Variants in HIVEP1 observed in about 807,000 individuals in gnomAD.
HIVEP1 encodes the protein HIVEP zinc finger 1.
HIVEP1 carries 36 observed loss-of-function variants against 180.0 expected under a neutral mutation model. That is an observed-to-expected ratio of 0.20 (90% CI 0.15 to 0.26). The LOEUF is 0.26. HIVEP1 is among the 10% of genes least tolerant of loss of function. The pLI, the probability that HIVEP1 is intolerant of heterozygous loss-of-function variation, is 1.00. For synonymous variants in HIVEP1, 1,239 were observed against 1,239.0 expected (o/e 1.00, Z 0.00); for missense variants, 3,143 against 3,268.7 (o/e 0.96, Z 0.94).
intron 2 of HIVEP1, chr6:12,037,801 A>G (rs1769383481): frequency 2.2e-6 from 1 of 446,054 alleles, no homozygotes; most frequent in South Asian, 5.2e-5. Flanking sequence ...TCTGGGGACA[A>G]GCTAAGGCTT....
Position 12,122,816 on chromosome 6 carries a change from G to A in HIVEP1, c.3021G>A (p.Gln1007=), listed in dbSNP as rs2228219. 70,883 of 1,613,734 alleles carry A rather than the reference G, an allele frequency of 0.044. 1,714 individuals carry two copies. Among genetic ancestry groups the A allele is most frequent in the African/African-American group, 0.073 (5,440 of 74,944 alleles). Residue 1007 remains glutamine, a synonymous_variant, in exon 4 of 9, where the codon CAG becomes CAA. Transcript: ENST00000379388. The part of the protein sequence containing the change: ...PEHSPVPGGL[Q]PQILHYRVAG... Reference sequence around the variant, plus strand: ...ACAGCCCTGTGCCCGGCGGTCTGCAGCCTCAGATTCTACACTACAGAGTCG... The same window carrying A: ...ACAGCCCTGTGCCCGGCGGTCTGCAACCTCAGATTCTACACTACAGAGTCG...
intron 2 of HIVEP1, among the ~76,000 whole-genome samples, chr6:12,060,296 A>T (rs1294989705): frequency 2.0e-5 from 3 of 152,234 alleles, no homozygotes; most frequent in African/African-American, 7.2e-5. Flanking sequence ...TATGAAGTGT[A>T]ACTAGCCATT....
In HIVEP1 at chr6:12,120,490, C is replaced by T. The variant is rs1252523638; in HGVS notation, c.695C>T (p.Ser232Phe). The change falls in exon 4 of 9, where the codon TCC becomes TTC. Residue 232 changes from serine (S) to phenylalanine (F), a missense_variant. Transcript: ENST00000379388. ...EKLRPNKTAR[S>F]PPKLKNSSMD... Reference sequence around the variant, plus strand: ...CTGAGGCCAAATAAAACTGCACGTTCCCCTCCCAAATTAAAAAACAGTTCA... The same window carrying T: ...CTGAGGCCAAATAAAACTGCACGTTTCCCTCCCAAATTAAAAAACAGTTCA... The T allele has an allele frequency of 6.2e-7, 1 of 1,614,040 alleles. No individual in the cohort carries two copies. The highest frequency in any genetic ancestry group is 8.5e-7 in the Non-Finnish European group (1 of 1,180,018).
At chr6:12,051,993 T>C (rs2113721102) in intron 2 of HIVEP1, among the ~76,000 whole-genome samples, 1 of 152,330 alleles carries the variant, frequency 6.6e-6, no homozygotes, top group East Asian at 1.9e-4. Flanking sequence ...TGGGGGGACT[T>C]TCCAACTGAG....
rs767569877 is a variant in HIVEP1, at chr6:12,123,939, G to C, written c.4144G>C (p.Asp1382His). 141 of 1,614,018 alleles carry C rather than the reference G, an allele frequency of 8.7e-5. No homozygotes were observed. Among genetic ancestry groups the C allele is most frequent in the Non-Finnish European group, 1.1e-4 (133 of 1,180,020 alleles). Residue 1382 changes from aspartate to histidine, a missense_variant, in exon 4 of 9, where the codon GAT becomes CAT. Physicochemically the swap from Asp to His is moderately conservative, Grantham distance 81. This residue lies in a region of HIVEP1 where 1,357 missense variants were observed against 1,260.5 expected (regional missense o/e 1.08). Transcript: ENST00000379388. The stretch of plus-strand genomic sequence containing the variant: ...CACGCAAACGTCAATGGAGGTCTCT[G>C]ATCTCAGAAGCAAATCATTCGATTG... Reference protein sequence around the residue: ...NCTQTSMEVSDLRSKSFDCGS... With the variant: ...NCTQTSMEVSHLRSKSFDCGS...
intron 3 of HIVEP1, among the ~76,000 whole-genome samples, chr6:12,094,992 G>A (rs1773704512): frequency 6.6e-6 from 1 of 151,958 alleles, no homozygotes; most frequent in Admixed American, 6.6e-5. Context: ...GTTTTAGGAA[G>A]TTGTATTTTT....
At chr6:12,100,335 TA>T (rs1345161205) in intron 3 of HIVEP1, among the ~76,000 whole-genome samples, 1 of 152,176 alleles carries the variant, frequency 6.6e-6, no homozygotes, top group African/African-American at 2.4e-5. Flanking sequence ...TTCAAAGTGG[TA>T]AAAATACTCC....
chr6:12,186,860 T>TCAGGATTA, the HIVEP1 span, among the ~76,000 whole-genome samples: 1 of 150,422 alleles, frequency 6.6e-6, no homozygotes, highest in African/African-American at 2.4e-5. Context: ...TAAATTTGTT[T>TCAGGATTA]CAGGATTAAA....
At chr6:12,090,734 C>CTTTTTTTTTT (rs1561929824) in intron 3 of HIVEP1, among the ~76,000 whole-genome samples, 2 of 103,102 alleles carry the variant, frequency 1.9e-5, no homozygotes, top group African/African-American at 6.8e-5. Flanking sequence ...CTATAGCCAG[C>CTTTTTTTTTT]CTTTTTTTTT....
intron 3 of HIVEP1, among the ~76,000 whole-genome samples, chr6:12,107,407 C>T (rs939600900): frequency 3.3e-5 from 5 of 152,158 alleles, no homozygotes; most frequent in Non-Finnish European, 5.9e-5. Context: ...GGTCTTGCCT[C>T]GATGCAGATT....
rs1770468472 is a variant in HIVEP1, at chr6:12,050,892, G to A, written c.40+35224G>A. The stretch of plus-strand genomic sequence containing the variant: ...GGTAGAAGTGGTGGGAAATGGTATC[G>A]GGGAACCACAGGCCAGGCGCTAGGC... On this transcript the variant is annotated intron_variant, in intron 2 of 8. Transcript: ENST00000379388. 2.0e-5 allele frequency among the ~76,000 whole-genome samples: 3 copies of A among 151,114 alleles called. 1 individual carries two copies. Among genetic ancestry groups the A allele is most frequent in the South Asian group, 4.2e-4 (2 of 4,780 alleles).
rs367635784 is a variant in HIVEP1, at chr6:12,123,117, C to G, written c.3322C>G (p.Leu1108Val). 1.2e-5 allele frequency: 19 copies of G among 1,614,048 alleles called. No homozygotes were observed. The African/African-American group carries it at 2.1e-4, about 18-fold the overall frequency. The change falls in exon 4 of 9, where the codon CTG becomes GTG. Residue 1108 changes from leucine to valine, a missense_variant. This residue lies in a region of HIVEP1 where 1,357 missense variants were observed against 1,260.5 expected (regional missense o/e 1.08). Transcript: ENST00000379388. ...RGPEQTMDPK[L>V]STIMEQQISS... The stretch of plus-strand genomic sequence containing the variant: ...CCCTGAGCAGACCATGGATCCCAAG[C>G]TGTCGACCATCATGGAACAACAGAT...
At chr6:12,052,989 A>G (rs1770635481) in intron 2 of HIVEP1, among the ~76,000 whole-genome samples, 1 of 152,188 alleles carries the variant, frequency 6.6e-6, no homozygotes, top group Non-Finnish European at 1.5e-5. Flanking sequence ...CACAGTTTTT[A>G]AAATAATTTG....
In HIVEP1 at chr6:12,122,024, A is replaced by G. The variant is rs771359163; in HGVS notation, c.2229A>G (p.Thr743=). The change falls in exon 4 of 9, where the codon ACA becomes ACG. Residue 743 remains threonine, a synonymous_variant. Coordinates refer to ENST00000379388, the MANE Select transcript of HIVEP1 (RefSeq NM_002114.4). The part of the protein sequence containing the change: ...GQMRPPLATK[T]LEERISKLIS... The stretch of plus-strand genomic sequence containing the variant: ...TGCGCCCACCTTTGGCCACAAAAAC[A>G]CTTGAGGAGCGGATATCGAAGCTTA... The G allele has an allele frequency of 6.2e-7, 1 of 1,614,128 alleles. No homozygotes were observed.
At chr6:12,114,695 G>A (rs571628525) in intron 3 of HIVEP1, among the ~76,000 whole-genome samples, 3 of 152,286 alleles carry the variant, frequency 2.0e-5, no homozygotes, top group African/African-American at 7.2e-5. Flanking sequence ...TTAAATGGAT[G>A]TATAATGTTA....
chr6:12,164,487 T>G lies in HIVEP1; in HGVS notation c.*26T>G. On this transcript the variant is annotated 3_prime_UTR_variant, in exon 9 of 9. Coordinates refer to ENST00000379388, the MANE Select transcript of HIVEP1 (RefSeq NM_002114.4). ...TGGATTTTATTTTTTATTTGCTTTT[T>G]TTTTATATAACACTTAAAGGTTTCT... 1 of 1,536,474 alleles carries G rather than the reference T, an allele frequency of 6.5e-7. No homozygotes were observed. The highest frequency in any genetic ancestry group is 8.8e-7 in the Non-Finnish European group (1 of 1,138,696).
intron 3 of HIVEP1, among the ~76,000 whole-genome samples, chr6:12,107,066 A>C (rs1463733878): frequency 6.6e-6 from 1 of 152,146 alleles, no homozygotes; most frequent in Non-Finnish European, 1.5e-5. Context: ...TGAACTGCAT[A>C]CTTTGTTTTA....
intron 2 of HIVEP1, among the ~76,000 whole-genome samples, chr6:12,023,524 A>G (rs1354198845): frequency 6.6e-6 from 1 of 152,244 alleles, no homozygotes; most frequent in Non-Finnish European, 1.5e-5. Flanking sequence ...GAAAGGAAAT[A>G]AGTAATAATT....
At chr6:12,086,451 T>C (rs1773129460) in intron 2 of HIVEP1, among the ~76,000 whole-genome samples, 1 of 152,144 alleles carries the variant, frequency 6.6e-6, no homozygotes, top group South Asian at 2.1e-4. Context: ...GAATGTATAG[T>C]TCTTTGGGAA....
Sources: allele counts gnomAD v4.1 joint callset (sites outside exome capture counted in the v4.1 genomes callset), GRCh38; gene constraint gnomAD v4.1.1; regional missense constraint gnomAD v4.1.1; transcripts MANE v1.5; gene names NCBI Gene and HGNC (gene_info 2026-07-23, HGNC 2026-07-21).